Variants in SMAD3 observed in about 807,000 individuals in gnomAD.
SMAD3 encodes MAD homolog 3.
In SMAD3, 12 loss-of-function variants were observed where a neutral mutation model predicts 51.8. The observed-to-expected ratio is 0.23, with a 90% CI of 0.15 to 0.38. The LOEUF is 0.38. SMAD3 is among the 10% of genes least tolerant of loss of function. SMAD3 has a pLI of 1.00. For missense variants in SMAD3, 294 were observed against 565.6 expected (o/e 0.52, Z 4.87); for synonymous variants, 238 against 227.7 (o/e 1.05, Z -0.41).
chr15:67,141,742 C>T (rs775504293), intron 1 of SMAD3, among the ~76,000 whole-genome samples: 2 of 152,106 alleles, frequency 1.3e-5, no homozygotes, highest in African/African-American at 2.4e-5. Context: ...CTGGAAAGTC[C>T]GATACCTTGA....
chr15:67,186,784 C>G (rs1027561843), intron 7 of SMAD3: 2 of 301,930 alleles, frequency 6.6e-6, no homozygotes, highest in African/African-American at 4.4e-5. Context: ...ACCTCCTAGC[C>G]CCAGCACCAG....
chr15:67,114,635 A>G (rs1001510290), intron 1 of SMAD3, among the ~76,000 whole-genome samples: 2 of 152,178 alleles, frequency 1.3e-5, no homozygotes, highest in African/African-American at 2.4e-5. Flanking sequence ...GCTCTAAGTC[A>G]TATGGTGAGT....
At chr15:67,066,458 AGAGG>A in intron 1 of SMAD3, 98 bp downstream of exon 1, 1 of 974,636 alleles carries the variant, frequency 1.0e-6, no homozygotes, top group Non-Finnish European at 1.6e-6. Flanking sequence ...AGAGGGAGAG[AGAGG>A]GAGGGAGTGA....
chr15:67,179,830 G>A (rs371485688), intron 5 of SMAD3, among the ~76,000 whole-genome samples: 14 of 152,166 alleles, frequency 9.2e-5, no homozygotes, highest in Middle Eastern at 3.4e-3. Context: ...CATGGGGAGC[G>A]TCTCCTGTTC....
At chr15:67,078,402 G>A (rs1960216123) in intron 1 of SMAD3, among the ~76,000 whole-genome samples, 3 of 152,160 alleles carry the variant, frequency 2.0e-5, no homozygotes, top group Middle Eastern at 3.2e-3. Flanking sequence ...ATCAATCAAG[G>A]CCAGGCTTTC....
chr15:67,165,218 C>T (rs749294842), intron 2 of SMAD3, 35 bp from the exon 3 acceptor site: 2 of 1,614,158 alleles, frequency 1.2e-6, no homozygotes, highest in Middle Eastern at 1.6e-4. Flanking sequence ...CTGGCATCGA[C>T]ACTGAGCCAC....
chr15:67,098,981 C>T (rs760598093), intron 1 of SMAD3: 2 of 702,366 alleles, frequency 2.8e-6, no homozygotes, highest in South Asian at 1.5e-5. Flanking sequence ...GACTTTTGCC[C>T]CAAACTGTGG....
intron 1 of SMAD3, among the ~76,000 whole-genome samples, chr15:67,082,628 C>T (rs550970047): frequency 3.5e-4 from 54 of 152,318 alleles, no homozygotes; most frequent in African/African-American, 1.3e-3. Flanking sequence ...TGGTTAAAAA[C>T]AAAGTCCTGT....
At chr15:67,066,426 C>G (rs1959920151) in intron 1 of SMAD3, 66 bp downstream of exon 1, 1 of 1,299,740 alleles carries the variant, frequency 7.7e-7, no homozygotes, top group Non-Finnish European at 1.1e-6. Context: ...GCGGGGCCGA[C>G]CCAGTGGGGC....
chr15:67,089,223 C>T (rs1173216536), intron 1 of SMAD3, among the ~76,000 whole-genome samples: 1 of 152,174 alleles, frequency 6.6e-6, no homozygotes, highest in Non-Finnish European at 1.5e-5. Context: ...CCCAGATATA[C>T]CTCCTCCATC....
chr15:67,118,253 G>C (rs1454121352), intron 1 of SMAD3, among the ~76,000 whole-genome samples: 1 of 152,238 alleles, frequency 6.6e-6, no homozygotes, highest in Non-Finnish European at 1.5e-5. Context: ...CCCAGTGAGG[G>C]CCTGTCCAGC....
Position 67,157,815 on chromosome 15 carries a change from C to A in SMAD3, c.207-7080C>A, listed in dbSNP as rs16950675. Among the ~76,000 whole-genome samples the A allele has an allele frequency of 4.6e-3, 706 of 152,294 alleles. 19 individuals carry two copies. The highest frequency in any genetic ancestry group is 0.017 in the East Asian group (89 of 5,176). Reference sequence around the variant, plus strand: ...TGTGGCTCTCACCACCATTTTGGGACACTTTACGGGTCCCGCTTGAAGCCA... The same window carrying A: ...TGTGGCTCTCACCACCATTTTGGGAAACTTTACGGGTCCCGCTTGAAGCCA... On this transcript the variant is annotated intron_variant, in intron 1 of 8. Coordinates refer to ENST00000327367, the MANE Select transcript of SMAD3 (RefSeq NM_005902.4).
chr15:67,115,036 T>A (rs1348758122), intron 1 of SMAD3, among the ~76,000 whole-genome samples: 1 of 152,192 alleles, frequency 6.6e-6, no homozygotes, highest in Admixed American at 6.5e-5. Context: ...CTTACCCATA[T>A]GGACACTACA....
intron 1 of SMAD3, among the ~76,000 whole-genome samples, chr15:67,114,618 C>T (rs1961096311): frequency 6.6e-6 from 1 of 152,142 alleles, no homozygotes; most frequent in Non-Finnish European, 1.5e-5. Context: ...GGGTGCGTTA[C>T]CTGCCTGCTC....
At chr15:67,072,294 T>A (rs1960072619) in intron 1 of SMAD3, among the ~76,000 whole-genome samples, 1 of 152,236 alleles carries the variant, frequency 6.6e-6, no homozygotes, top group South Asian at 2.1e-4. Context: ...AGTACAGCCA[T>A]TATTCTGCGT....
At chr15:67,124,150 G>A (rs1961330099) in intron 1 of SMAD3, among the ~76,000 whole-genome samples, 1 of 152,120 alleles carries the variant, frequency 6.6e-6, no homozygotes, top group African/African-American at 2.4e-5. Context: ...ACCACGTCTG[G>A]CTAATTTTTG....
At chr15:67,183,644 T>C (rs1017118699) in intron 6 of SMAD3, among the ~76,000 whole-genome samples, 1 of 152,206 alleles carries the variant, frequency 6.6e-6, no homozygotes, top group Non-Finnish European at 1.5e-5. Context: ...CTCCGTGTTC[T>C]GACCTCTGAG....
chr15:67,086,557 C>T (rs892438547), intron 1 of SMAD3, among the ~76,000 whole-genome samples: 1 of 152,086 alleles, frequency 6.6e-6, no homozygotes, highest in Admixed American at 6.5e-5. Flanking sequence ...GCTGAAAGCC[C>T]TTGAGGGCTT....
intron 5 of SMAD3, among the ~76,000 whole-genome samples, chr15:67,172,587 T>C (rs1962781129): frequency 6.6e-6 from 1 of 152,254 alleles, no homozygotes; most frequent in Non-Finnish European, 1.5e-5. Flanking sequence ...TTTACTGTTA[T>C]TCGGAGTGCT....
Sources: allele counts gnomAD v4.1 joint callset (sites outside exome capture counted in the v4.1 genomes callset), GRCh38; gene constraint gnomAD v4.1.1; transcripts MANE v1.5; gene names NCBI Gene and HGNC (gene_info 2026-07-23, HGNC 2026-07-21).